ANKFN1: variants seen among roughly 807,000 people sequenced by gnomAD.
The protein encoded by ANKFN1 is ankyrin repeat and fibronectin type-III domain-containing protein 1.
A neutral mutation model predicts 108.7 loss-of-function variants in ANKFN1; 74 were observed. The observed-to-expected ratio is 0.68, with a 90% CI of 0.56 to 0.83. The LOEUF (loss-of-function observed/expected upper bound fraction) is 0.83. Ranked by LOEUF, ANKFN1 falls within the 40% of genes least tolerant of loss-of-function variation. The pLI, the probability that ANKFN1 is intolerant of heterozygous loss-of-function variation, is 0.00. For synonymous variants in ANKFN1, 547 were observed against 516.2 expected, an observed-to-expected ratio of 1.06 and a Z score of -0.81; for missense variants, 1,505 against 1,382.3, an observed-to-expected ratio of 1.09 and a Z score of -1.41.
intron 1 of ANKFN1, among the ~76,000 whole-genome samples, chr17:56,195,104 C>T (rs1396510664): frequency 2.0e-5 from 3 of 152,136 alleles, no homozygotes; most frequent in Non-Finnish European, 2.9e-5. Flanking sequence ...ATTTGATCAA[C>T]CTATTTGAAC....
chr17:56,310,549 G>T (rs963003909), intron 3 of ANKFN1, among the ~76,000 whole-genome samples: 2 of 151,714 alleles, frequency 1.3e-5, no homozygotes, highest in Non-Finnish European at 2.9e-5. Flanking sequence ...GCTGGGAGGC[G>T]GAGCTTGCAG....
At chr17:56,064,932 C>A (rs951699390) in intron 4 of ANKFN1, among the ~76,000 whole-genome samples, 2 of 152,170 alleles carry the variant, frequency 1.3e-5, no homozygotes, top group African/African-American at 2.4e-5. Context: ...CTAGGTAGCA[C>A]ATTCACTCAC....
intron 6 of ANKFN1, among the ~76,000 whole-genome samples, chr17:56,360,689 A>G (rs1395883055): frequency 6.6e-6 from 1 of 152,166 alleles, no homozygotes; most frequent in African/African-American, 2.4e-5. Flanking sequence ...TATTGGGCTC[A>G]TTGATCTTTT....
intron 4 of ANKFN1, among the ~76,000 whole-genome samples, chr17:56,094,451 GTCTCAGT>G (rs11278452): frequency 0.62 from 83,512 of 135,582 alleles, 26,825 homozygotes; most frequent in East Asian, 0.8. Context: ...CTTAAATACT[GTCTCAGT>G]TCTCAGTTGT....
chr17:56,328,196 A>G (rs1161576015), intron 4 of ANKFN1, among the ~76,000 whole-genome samples: 1 of 152,188 alleles, frequency 6.6e-6, no homozygotes, highest in African/African-American at 2.4e-5. Context: ...TTCAGAGGGT[A>G]GTTCAGGTAT....
chr17:56,342,863 A>T (rs1004416045), intron 4 of ANKFN1, among the ~76,000 whole-genome samples: 1 of 151,876 alleles, frequency 6.6e-6, no homozygotes, highest in African/African-American at 2.4e-5. Flanking sequence ...TGTCTTGGTG[A>T]TCTGTCTTAT....
intron 4 of ANKFN1, chr17:56,046,414 G>T (rs1272013414): frequency 3.9e-5 from 6 of 152,540 alleles, no homozygotes; most frequent in African/African-American, 1.4e-4. Flanking sequence ...TGTGTGGGTT[G>T]GGGCTGGCAG....
chr17:56,245,831 G>A (rs1483275870), intron 3 of ANKFN1: 1 of 152,072 alleles, frequency 6.6e-6, no homozygotes, highest in Non-Finnish European at 1.5e-5. Context: ...GGTTTTTGTA[G>A]CTTTGTTATA....
intron 4 of ANKFN1, among the ~76,000 whole-genome samples, chr17:56,329,580 A>G (rs1035869864): frequency 6.6e-6 from 1 of 152,186 alleles, no homozygotes; most frequent in Non-Finnish European, 1.5e-5. Flanking sequence ...ATCTAGAATC[A>G]TACTACCTAG....
chr17:56,180,462 T>G (rs937607986), intron 1 of ANKFN1, among the ~76,000 whole-genome samples: 1 of 152,188 alleles, frequency 6.6e-6, no homozygotes, highest in Non-Finnish European at 1.5e-5. Flanking sequence ...GGCATCCACA[T>G]AACATTCAAC....
At chr17:56,366,079 G>A (rs1446053276) in intron 6 of ANKFN1, among the ~76,000 whole-genome samples, 3 of 152,300 alleles carry the variant, frequency 2.0e-5, no homozygotes, top group East Asian at 1.9e-4. Context: ...GGTGGAAGAT[G>A]ATGATGTTGA....
intron 20 of ANKFN1, among the ~76,000 whole-genome samples, chr17:56,504,521 T>C (rs888714525): frequency 2.6e-5 from 4 of 152,226 alleles, no homozygotes; most frequent in African/African-American, 9.6e-5. Flanking sequence ...TTCACCTTTA[T>C]TATCAACAGC....
At chr17:56,266,631 A>C (rs2043660177) in intron 3 of ANKFN1, among the ~76,000 whole-genome samples, 2 of 152,184 alleles carry the variant, frequency 1.3e-5, no homozygotes. Flanking sequence ...ACAAGGAGCT[A>C]TAATTGCATA....
At chr17:56,235,928 T>G (rs1232718752) in intron 3 of ANKFN1, among the ~76,000 whole-genome samples, 1 of 152,222 alleles carries the variant, frequency 6.6e-6, no homozygotes, top group East Asian at 1.9e-4. Flanking sequence ...GCACTGAATC[T>G]GCAAATCACT....
intron 4 of ANKFN1, among the ~76,000 whole-genome samples, chr17:56,144,970 T>TG (rs1247708417): frequency 6.6e-6 from 1 of 152,016 alleles, no homozygotes; most frequent in East Asian, 1.9e-4. Context: ...GAGTGTTAGG[T>TG]GATTTTTCCC....
intron 3 of ANKFN1, among the ~76,000 whole-genome samples, chr17:56,248,019 AG>A (rs1181439228): frequency 2.0e-5 from 3 of 152,240 alleles, no homozygotes. Context: ...TCATTTCAGA[AG>A]AAAATGATGC....
At chr17:56,325,945 C>CGCAA (rs2045503846) in intron 3 of ANKFN1, among the ~76,000 whole-genome samples, 1 of 152,140 alleles carries the variant, frequency 6.6e-6, no homozygotes, top group Admixed American at 6.6e-5. Context: ...TAGTTTTCTC[C>CGCAA]GCAAGCCGTT....
rs115246870 is a variant in ANKFN1 at position 56,508,497 on chromosome 17, A to G, written c.2645-1976A>G. ...ATTTTATACAACTCATATAATATCA[A>G]AACGGGACTACTTGTGCTCTTTCTT... On this transcript the variant is annotated intron_variant, in intron 20 of 20. Coordinates refer to ENST00000682825, the MANE Select transcript of ANKFN1 (RefSeq NM_001370326.1). 7.2e-3 allele frequency among the ~76,000 whole-genome samples: 1,102 copies of G among 152,330 alleles called. 16 individuals carry two copies. Among genetic ancestry groups the G allele is most frequent in the African/African-American group, 0.026 (1,062 of 41,570 alleles).
intron 18 of ANKFN1, among the ~76,000 whole-genome samples, chr17:56,489,243 T>A (rs527829126): frequency 6.6e-6 from 1 of 152,328 alleles, no homozygotes; most frequent in South Asian, 2.1e-4. Flanking sequence ...CTGTGAATTA[T>A]TAACAAATCA....
Sources: gnomAD v4.1 joint callset for allele counts (sites outside exome capture counted in the v4.1 genomes callset) on GRCh38, gnomAD v4.1.1 for gene constraint, MANE v1.5 for transcripts, NCBI Gene and HGNC (gene_info 2026-07-23, HGNC 2026-07-21) for gene names.